Variants in BTG4 observed in about 807,000 individuals in gnomAD.
BTG4 encodes protein BTG4.
In BTG4, 10 loss-of-function variants were observed where a neutral mutation model predicts 19.3. The observed-to-expected ratio is 0.52, with a 90% CI of 0.32 to 0.88. The LOEUF (loss-of-function observed/expected upper bound fraction) is 0.88. BTG4 is among the 40% of genes least tolerant of loss of function. The pLI is 0.04. For synonymous variants in BTG4, 91 were observed against 95.7 expected (o/e 0.95, Z 0.29); for missense variants, 238 against 281.9 (o/e 0.84, Z 1.11).
chr11:111,401,201 C>G, the BTG4 span, among the ~76,000 whole-genome samples: 2 of 151,834 alleles, frequency 1.3e-5, no homozygotes, highest in Non-Finnish European at 2.9e-5. Flanking sequence ...TTAAAGAAAG[C>G]TGGGGCCAGG....
At chr11:111,501,171 G>T (rs1446934596) in intron 1 of BTG4, among the ~76,000 whole-genome samples, 1 of 151,952 alleles carries the variant, frequency 6.6e-6, no homozygotes, top group Non-Finnish European at 1.5e-5. Context: ...TTTGAGGCCG[G>T]CCTGGGCAAC....
the BTG4 span, among the ~76,000 whole-genome samples, chr11:111,437,994 G>A: frequency 6.6e-6 from 1 of 152,190 alleles, no homozygotes; most frequent in South Asian, 2.1e-4. Flanking sequence ...TGACAGCTAT[G>A]ACTCTGACTA....
At chr11:111,495,957 T>C (rs1016873623) in intron 4 of BTG4, among the ~76,000 whole-genome samples, 3 of 152,186 alleles carry the variant, frequency 2.0e-5, no homozygotes, top group Admixed American at 2.0e-4. Context: ...AAAGTCACTG[T>C]TTCCAAGAAA....
At chr11:111,489,358 A>C (rs1203519914) in intron 5 of BTG4, among the ~76,000 whole-genome samples, 1 of 152,212 alleles carries the variant, frequency 6.6e-6, no homozygotes, top group Non-Finnish European at 1.5e-5. Flanking sequence ...TACAGCCACT[A>C]TGGAGAACAG....
chr11:111,398,802 A>G, the BTG4 span, among the ~76,000 whole-genome samples: 2 of 151,440 alleles, frequency 1.3e-5, no homozygotes, highest in South Asian at 2.1e-4. Flanking sequence ...TTTTTTTAAC[A>G]TTATAGAGTT....
At chr11:111,399,403 T>C in the BTG4 span, among the ~76,000 whole-genome samples, 3 of 152,226 alleles carry the variant, frequency 2.0e-5, no homozygotes, top group Non-Finnish European at 4.4e-5. Flanking sequence ...ATTTGATCTT[T>C]GGACTCCTTT....
intron 1 of BTG4, among the ~76,000 whole-genome samples, chr11:111,503,388 C>T (rs1034041775): frequency 6.6e-6 from 1 of 152,192 alleles, no homozygotes; most frequent in Non-Finnish European, 1.5e-5. Flanking sequence ...CCTGGTCTGG[C>T]CTAAGCCAAT....
the BTG4 span, chr11:111,455,638 C>A: frequency 5.5e-4 from 179 of 326,628 alleles, no homozygotes; most frequent in East Asian, 3.0e-3. Flanking sequence ...TCTGGCCAAC[C>A]TGGATCAGAC....
chr11:111,406,523 A>G, the BTG4 span, among the ~76,000 whole-genome samples: 1 of 152,138 alleles, frequency 6.6e-6, no homozygotes, highest in Non-Finnish European at 1.5e-5. Flanking sequence ...TCTTACTTTA[A>G]TCATCTTTGT....
intron 5 of BTG4, among the ~76,000 whole-genome samples, chr11:111,476,661 C>T (rs1864415683): frequency 6.6e-6 from 1 of 152,080 alleles, no homozygotes; most frequent in African/African-American, 2.4e-5. Context: ...TCATTAGTTA[C>T]CATTTTGATT....
intron 5 of BTG4, among the ~76,000 whole-genome samples, chr11:111,482,071 C>G (rs1864775303): frequency 6.7e-6 from 1 of 149,752 alleles, no homozygotes; most frequent in South Asian, 2.1e-4. Flanking sequence ...CAGAAAATCC[C>G]AAGCAATCTA....
the BTG4 span, among the ~76,000 whole-genome samples, chr11:111,454,781 C>T: frequency 7.3e-6 from 1 of 137,196 alleles, no homozygotes; most frequent in Non-Finnish European, 1.5e-5. Flanking sequence ...CTGGCTGGGA[C>T]GAGCCAGTGT....
chr11:111,439,426 G>A, the BTG4 span, among the ~76,000 whole-genome samples: 1 of 152,056 alleles, frequency 6.6e-6, no homozygotes, highest in Non-Finnish European at 1.5e-5. Flanking sequence ...GCCGCAGATG[G>A]AGCAGGAGAA....
chr11:111,422,318 G>A, the BTG4 span, among the ~76,000 whole-genome samples: 5 of 152,090 alleles, frequency 3.3e-5, no homozygotes, highest in Non-Finnish European at 7.4e-5. Context: ...GAGTGGTTCT[G>A]AAAAAGACCA....
intron 1 of BTG4, among the ~76,000 whole-genome samples, chr11:111,502,254 G>C (rs758405155): frequency 1.9e-4 from 29 of 151,974 alleles, no homozygotes; most frequent in Non-Finnish European, 2.6e-4. Context: ...TTACAGGTGT[G>C]AACCACCACG....
At chr11:111,483,073 G>T (rs984925021) in intron 5 of BTG4, among the ~76,000 whole-genome samples, 6 of 152,096 alleles carry the variant, frequency 3.9e-5, no homozygotes, top group Non-Finnish European at 8.8e-5. Flanking sequence ...AACTACCCAT[G>T]CAAGAAAGCA....
At chr11:111,450,995 T>C in the BTG4 span, 2 of 169,690 alleles carry the variant, frequency 1.2e-5, no homozygotes, top group Admixed American at 5.6e-5. Context: ...GGACTCTTCT[T>C]GGTCACTGAG....
the BTG4 span, among the ~76,000 whole-genome samples, chr11:111,432,890 G>C: frequency 1.3e-5 from 2 of 151,590 alleles, no homozygotes; most frequent in Admixed American, 1.3e-4. Flanking sequence ...CAAGGTCTCA[G>C]TATGTTGCCC....
At position 111,495,154 on chromosome 11, in the gene BTG4, C is replaced by A; in HGVS notation, c.671G>T (p.Trp224Leu). Residue 224 changes from tryptophan to leucine, a missense_variant, in exon 5 of 5, where the codon TGG becomes TTG. Coordinates refer to ENST00000692032, the MANE Select transcript of BTG4 (RefSeq NM_001367975.1). ...PAMHRLDRYH[W>L]VNTHR is the part of the protein sequence containing the mutation. Reference sequence around the variant, plus strand: ...GCTGCGTCATCGGTGTGTGTTGACCCAGTGGTACCTGTCCAGCCGGTGCAT... The same window carrying A: ...GCTGCGTCATCGGTGTGTGTTGACCAAGTGGTACCTGTCCAGCCGGTGCAT... The A allele has an allele frequency of 6.3e-7, 1 of 1,580,238 alleles. No homozygotes were observed. Among genetic ancestry groups the A allele is most frequent in the Non-Finnish European group, 8.6e-7 (1 of 1,165,032 alleles).
Sources: allele counts gnomAD v4.1 joint callset (sites outside exome capture counted in the v4.1 genomes callset), GRCh38; gene constraint gnomAD v4.1.1; transcripts MANE v1.5; gene names NCBI Gene and HGNC (gene_info 2026-07-23, HGNC 2026-07-21).